The following CRACR2A variants were observed in gnomAD, a reference collection of about 807,000 sequenced individuals.
CRACR2A encodes EF-hand calcium-binding domain-containing protein 4B.
CRACR2A carries 79 observed loss-of-function variants against 90.5 expected under a neutral mutation model. The ratio of observed to expected loss-of-function variants is 0.87; its 90% CI spans 0.73 to 1.05. CRACR2A has a LOEUF of 1.05. Ranked by LOEUF, CRACR2A falls within the 50% of genes least tolerant of loss-of-function variation. The pLI is 0.00. For missense variants in CRACR2A, 823 were observed against 897.2 expected, an observed-to-expected ratio of 0.92 and a Z score of 1.06; for synonymous variants, 338 against 356.7, an observed-to-expected ratio of 0.95 and a Z score of 0.59.
In CRACR2A at chr12:3,649,106, G is replaced by A. The variant is rs968043212; in HGVS notation, c.1047-493C>T. On this transcript the variant is annotated intron_variant, in intron 10 of 19. Coordinates refer to ENST00000440314, the MANE Select transcript of CRACR2A (RefSeq NM_001144958.2). ...GGGGTGGGGGAAGGGGGGAGGGATA[G>A]CATTAGGAGATATACCTAATGCTAA... Among the ~76,000 whole-genome samples the A allele has an allele frequency of 4.6e-5, 7 of 152,212 alleles. No homozygotes were observed. In the East Asian group the frequency reaches 5.8e-4, roughly 13 times the overall value.
rs1047777913 is a variant in CRACR2A, at chr12:3,658,025, T to G, written c.762+1539A>C. On this transcript the variant is annotated intron_variant, in intron 8 of 19. Coordinates refer to ENST00000440314, the MANE Select transcript of CRACR2A (RefSeq NM_001144958.2). ...GCAAAAGCCTTTGTATCTAATGGCT[T>G]AATAGTGCTGCAAAAACATCTGAGC... 1.1e-4 allele frequency among the ~76,000 whole-genome samples: 17 copies of G among 152,176 alleles called. 1 individual carries two copies. The highest frequency in any genetic ancestry group is 4.1e-4 in the African/African-American group (17 of 41,430).
chr12:3,731,013 G>A (rs1270270071), intron 2 of CRACR2A: 1 of 152,202 alleles, frequency 6.6e-6, no homozygotes, highest in Non-Finnish European at 1.5e-5. Context: ...CAGCCTGCAG[G>A]CTTCTGGGTT....
At chr12:3,650,714 C>T (rs1286430521) in intron 10 of CRACR2A, among the ~76,000 whole-genome samples, 2 of 152,130 alleles carry the variant, frequency 1.3e-5, no homozygotes, top group East Asian at 3.9e-4. Context: ...AAATCATTCA[C>T]CAGGGACTTA....
chr12:3,640,510 G>C, intron 13 of CRACR2A: 1 of 1,212,382 alleles, frequency 8.2e-7, no homozygotes, highest in Non-Finnish European at 1.1e-6. Flanking sequence ...GTAAACGTCT[G>C]CTGAATCAAT....
At chr12:3,620,240 T>G (rs934603969) in intron 17 of CRACR2A, among the ~76,000 whole-genome samples, 1 of 152,252 alleles carries the variant, frequency 6.6e-6, no homozygotes, top group Non-Finnish European at 1.5e-5. Flanking sequence ...AATGTGGTAA[T>G]GTGCACATTG....
intron 14 of CRACR2A, 97 bp downstream of exon 14, chr12:3,638,027 C>G: frequency 8.2e-7 from 1 of 1,219,848 alleles, no homozygotes. Flanking sequence ...CCTGCAGCAT[C>G]TGACCTCCTG....
intron 15 of CRACR2A, among the ~76,000 whole-genome samples, chr12:3,628,178 TC>T (rs1944309468): frequency 2.0e-5 from 3 of 146,868 alleles, no homozygotes; most frequent in African/African-American, 7.5e-5. Context: ...TTTCTTTCTC[TC>T]TTTCTTTCTC....
intron 7 of CRACR2A, among the ~76,000 whole-genome samples, chr12:3,666,330 CGTGT>C (rs750488682): frequency 4.3e-5 from 6 of 139,582 alleles, no homozygotes; most frequent in Admixed American, 7.1e-5. Context: ...AGGACGGCTG[CGTGT>C]GTGTGTGTGT....
chr12:3,638,059 G>T, intron 14 of CRACR2A, 65 bp downstream of exon 14: 10 of 1,446,250 alleles, frequency 6.9e-6, no homozygotes, highest in Non-Finnish European at 9.2e-6. Context: ...CGGGCGCTTG[G>T]CCTCAAATGC....
chr12:3,647,604 A>G (rs1944712940), intron 11 of CRACR2A, among the ~76,000 whole-genome samples: 2 of 152,150 alleles, frequency 1.3e-5, no homozygotes, highest in Admixed American at 6.5e-5. Context: ...ACCCCTTTAC[A>G]TGTTCCCTGG....
rs1944417398 is a variant in CRACR2A, at chr12:3,633,952, G to GA, written c.1603-217dup. On this transcript the variant is annotated intron_variant, in intron 14 of 19. Coordinates refer to ENST00000440314, the MANE Select transcript of CRACR2A (RefSeq NM_001144958.2). The surrounding 1 kb of genome is among the most constrained non-coding windows in gnomAD (Gnocchi z 4.5). ...TTTCCAGCATCCGCAGGAGGAAGGA[G>GA]AAACAGCCACCCAAGCGACATTTGC... 6.6e-6 allele frequency among the ~76,000 whole-genome samples: 1 copy of GA among 152,212 alleles called. No homozygotes were observed. Among genetic ancestry groups the GA allele is most frequent in the Admixed American group, 6.5e-5 (1 of 15,284 alleles).
At chr12:3,681,587 A>C (rs944217417) in intron 4 of CRACR2A, among the ~76,000 whole-genome samples, 1 of 152,258 alleles carries the variant, frequency 6.6e-6, no homozygotes, top group Non-Finnish European at 1.5e-5. Flanking sequence ...AGAGAGTTAT[A>C]TCTCAGCCGA....
At chr12:3,662,473 C>G (rs1945054037) in intron 7 of CRACR2A, among the ~76,000 whole-genome samples, 1 of 152,174 alleles carries the variant, frequency 6.6e-6, no homozygotes, top group Admixed American at 6.5e-5. Flanking sequence ...TCATAAAGAA[C>G]AAATGAGAGT....
intron 6 of CRACR2A, among the ~76,000 whole-genome samples, chr12:3,676,299 T>G (rs995698672): frequency 6.6e-6 from 1 of 152,104 alleles, no homozygotes; most frequent in Non-Finnish European, 1.5e-5. Context: ...CAGCATGTTG[T>G]GGGGGTCTTA....
chr12:3,743,977 G>C (rs1186384416), intron 1 of CRACR2A, among the ~76,000 whole-genome samples: 1 of 152,218 alleles, frequency 6.6e-6, no homozygotes, highest in Non-Finnish European at 1.5e-5. Context: ...ACACTCTGTA[G>C]TATCTGTGGC....
intron 3 of CRACR2A, among the ~76,000 whole-genome samples, chr12:3,712,033 T>C (rs948253720): frequency 1.3e-5 from 2 of 152,238 alleles, no homozygotes; most frequent in African/African-American, 4.8e-5. Context: ...CTTGGTATCT[T>C]AGCCAACAGT....
rs183410382 is a variant in CRACR2A, at chr12:3,750,924, A to G, written c.-387+2091T>C. On this transcript the variant is annotated intron_variant, in intron 1 of 19. Coordinates refer to ENST00000440314, the MANE Select transcript of CRACR2A (RefSeq NM_001144958.2). ...CTCACCACAGCGTGACGCATCTCCA[A>G]TCACCCCCCACACCTGGGGTTCCAT... Among the ~76,000 whole-genome samples the G allele has an allele frequency of 2.1e-3, 325 of 152,234 alleles. 1 individual carries two copies. Among genetic ancestry groups the G allele is most frequent in the African/African-American group, 7.4e-3 (306 of 41,542 alleles).
At chr12:3,628,699 C>A (rs1020040472) in intron 15 of CRACR2A, among the ~76,000 whole-genome samples, 1 of 152,224 alleles carries the variant, frequency 6.6e-6, no homozygotes, top group Non-Finnish European at 1.5e-5. Flanking sequence ...GTACATCCCC[C>A]CACCACCACC....
At chr12:3,688,615 G>T (rs1232384351) in intron 4 of CRACR2A, among the ~76,000 whole-genome samples, 1 of 152,104 alleles carries the variant, frequency 6.6e-6, no homozygotes, top group Non-Finnish European at 1.5e-5. Flanking sequence ...TTTGAAGTTG[G>T]GTAATGTTAT....
Sources: gnomAD v4.1 joint callset for allele counts (sites outside exome capture counted in the v4.1 genomes callset) on GRCh38, gnomAD v4.1.1 for gene constraint, Gnocchi (gnomAD v3.1) non-coding constraint, MANE v1.5 for transcripts, NCBI Gene and HGNC (gene_info 2026-07-23, HGNC 2026-07-21) for gene names.